The following KCNH5 variants were observed in gnomAD, a reference collection of about 807,000 sequenced individuals.
The protein encoded by KCNH5 is voltage-gated delayed rectifier potassium channel KCNH5.
KCNH5 carries 46 observed loss-of-function variants against 96.1 expected under a neutral mutation model. The ratio of observed to expected loss-of-function variants is 0.48; its 90% confidence interval spans 0.38 to 0.61. The LOEUF (loss-of-function observed/expected upper bound fraction) is 0.61, where lower values mean the gene tolerates loss of function less well. KCNH5 is among the 20% of genes least tolerant of loss of function. The pLI, the probability that KCNH5 is intolerant of heterozygous loss-of-function variation, is 0.00. For synonymous variants in KCNH5, 439 were observed against 449.8 expected (o/e 0.98, Z 0.30); for missense variants, 907 against 1,225.8 (o/e 0.74, Z 3.88).
intron 10 of KCNH5, among the ~76,000 whole-genome samples, chr14:62,764,669 G>C (rs550833434): frequency 4.2e-4 from 64 of 152,270 alleles, no homozygotes; most frequent in Non-Finnish European, 7.9e-4. Context: ...CTTCAGCAAA[G>C]TTTTGGGATA....
intron 10 of KCNH5, among the ~76,000 whole-genome samples, chr14:62,771,485 C>T (rs1354653935): frequency 2.0e-5 from 3 of 152,046 alleles, no homozygotes; most frequent in Non-Finnish European, 2.9e-5. Flanking sequence ...ATTAGCCGGG[C>T]ATGGTGGCAG....
Position 62,707,348 on chromosome 14 carries a change from T to C in KCNH5, c.*160A>G, listed in dbSNP as rs1884454456. On this transcript the variant is annotated 3_prime_UTR_variant, in exon 11 of 11. Coordinates refer to ENST00000322893, the MANE Select transcript of KCNH5 (RefSeq NM_139318.5). ...CTATGTTTTTAATCATCATCTTCTTTGGCAGGCCAGAATCCAGCTGGACAT... is the reference window on the plus strand; with the variant it reads ...CTATGTTTTTAATCATCATCTTCTTCGGCAGGCCAGAATCCAGCTGGACAT... The C allele has an allele frequency of 1.0e-5, 4 of 385,380 alleles. No homozygotes were observed. The highest frequency in any genetic ancestry group is 4.5e-5 in the Admixed American group (1 of 22,394). 23.9% of individuals were successfully genotyped at this position (385,380 alleles called of 1,614,324 possible). A position where few individuals can be genotyped will look rare whatever the true frequency, so the allele number is the denominator to read the frequency against.
At chr14:62,926,234 G>A (rs1245975746) in intron 7 of KCNH5, among the ~76,000 whole-genome samples, 1 of 152,120 alleles carries the variant, frequency 6.6e-6, no homozygotes, top group Admixed American at 6.6e-5. Context: ...TAAGCTAGAA[G>A]TATACCTTCG....
chr14:62,895,205 T>C (rs967466163), intron 7 of KCNH5, among the ~76,000 whole-genome samples: 1 of 152,236 alleles, frequency 6.6e-6, no homozygotes, highest in Non-Finnish European at 1.5e-5. Context: ...TGTTCTTTGT[T>C]AATTTTTTTA....
intron 8 of KCNH5, among the ~76,000 whole-genome samples, chr14:62,815,981 C>A (rs949909480): frequency 6.6e-6 from 1 of 151,648 alleles, no homozygotes; most frequent in African/African-American, 2.4e-5. Flanking sequence ...TATATTACTT[C>A]TAAATCCAAA....
At chr14:62,884,169 C>T (rs1217756224) in intron 7 of KCNH5, among the ~76,000 whole-genome samples, 1 of 152,074 alleles carries the variant, frequency 6.6e-6, no homozygotes, top group Non-Finnish European at 1.5e-5. Flanking sequence ...TTGAAAATAA[C>T]TCAAAAAATT....
chr14:62,918,965 T>C (rs904428301), intron 7 of KCNH5, among the ~76,000 whole-genome samples: 2 of 152,116 alleles, frequency 1.3e-5, no homozygotes, highest in African/African-American at 2.4e-5. Flanking sequence ...TTCTTCAATA[T>C]AGAATTGCTT....
chr14:62,786,901 C>A (rs2139983753), intron 9 of KCNH5, among the ~76,000 whole-genome samples: 1 of 152,242 alleles, frequency 6.6e-6, no homozygotes, highest in East Asian at 1.9e-4. Context: ...TTTAACTACT[C>A]CACTGATCTA....
intron 7 of KCNH5, among the ~76,000 whole-genome samples, chr14:62,934,133 T>TTTC (rs201025436): frequency 2.0e-5 from 2 of 101,362 alleles, no homozygotes; most frequent in African/African-American, 5.0e-5. Flanking sequence ...TCTTTCTTTC[T>TTTC]TTCTTTTTTT....
At chr14:62,923,479 C>A (rs1381430794) in intron 7 of KCNH5, among the ~76,000 whole-genome samples, 1 of 151,788 alleles carries the variant, frequency 6.6e-6, no homozygotes, top group Non-Finnish European at 1.5e-5. Context: ...TTATAAAATT[C>A]ATGTAACCCA....
At chr14:62,786,926 C>T (rs1160968321) in intron 9 of KCNH5, among the ~76,000 whole-genome samples, 1 of 152,056 alleles carries the variant, frequency 6.6e-6, no homozygotes, top group Admixed American at 6.6e-5. Flanking sequence ...TCCCCAACTC[C>T]CTCTTCCTCT....
intron 1 of KCNH5, among the ~76,000 whole-genome samples, chr14:63,030,958 G>A (rs1053214631): frequency 2.0e-5 from 3 of 152,160 alleles, no homozygotes; most frequent in African/African-American, 2.4e-5. Flanking sequence ...TATTGGCAAT[G>A]CAGAACCTGG....
intron 2 of KCNH5, among the ~76,000 whole-genome samples, chr14:63,012,435 G>A (rs964517513): frequency 6.6e-6 from 1 of 152,104 alleles, no homozygotes; most frequent in African/African-American, 2.4e-5. Context: ...CAAAAATGTA[G>A]GAAAACCAGA....
At chr14:62,825,860 CCTTTTTTCTA>C (rs1446145185) in intron 8 of KCNH5, among the ~76,000 whole-genome samples, 1 of 151,856 alleles carries the variant, frequency 6.6e-6, no homozygotes, top group African/African-American at 2.4e-5. Context: ...TTCCTGTTTC[CCTTTTTTCTA>C]CTATAATGAG....
At chr14:62,990,537 C>G (rs1443848293) in intron 4 of KCNH5, among the ~76,000 whole-genome samples, 3 of 151,790 alleles carry the variant, frequency 2.0e-5, no homozygotes, top group Non-Finnish European at 4.4e-5. Flanking sequence ...AAAAATAGGA[C>G]TATCATTGAT....
intron 4 of KCNH5, 104 bp downstream of exon 4, chr14:63,001,227 A>G (rs1455092206): frequency 8.3e-6 from 8 of 961,108 alleles, no homozygotes; most frequent in Admixed American, 6.5e-5. Context: ...GAAAGGCCAC[A>G]TAGTAGAATT....
chr14:62,895,724 C>T (rs571986000), intron 7 of KCNH5, among the ~76,000 whole-genome samples: 1 of 152,094 alleles, frequency 6.6e-6, no homozygotes, highest in Admixed American at 6.5e-5. Context: ...GACAAGGAGA[C>T]ATTGAAAGTT....
intron 1 of KCNH5, among the ~76,000 whole-genome samples, chr14:63,021,913 CCTT>C (rs1278837270): frequency 6.6e-6 from 1 of 152,096 alleles, no homozygotes; most frequent in African/African-American, 2.4e-5. Context: ...CATTAGAGTG[CCTT>C]CTTTACCAAT....
chr14:62,886,729 G>A (rs766625985), intron 7 of KCNH5, among the ~76,000 whole-genome samples: 1 of 152,120 alleles, frequency 6.6e-6, no homozygotes, highest in Non-Finnish European at 1.5e-5. Flanking sequence ...CACATAGCTG[G>A]ATGTGCCTTT....
Sources: gnomAD v4.1 joint callset for allele counts (sites outside exome capture counted in the v4.1 genomes callset) on GRCh38, gnomAD v4.1.1 for gene constraint, MANE v1.5 for transcripts, NCBI Gene and HGNC (gene_info 2026-07-23, HGNC 2026-07-21) for gene names.